PARD3: variants seen among roughly 807,000 people sequenced by gnomAD.
PARD3 encodes the protein partitioning defective 3 homolog.
In PARD3, 75 loss-of-function variants were observed where a neutral mutation model predicts 155.4. That is an observed-to-expected ratio of 0.48 (90% CI 0.40 to 0.58). The LOEUF (loss-of-function observed/expected upper bound fraction) is 0.58, where lower values mean the gene tolerates loss of function less well. Ranked by LOEUF, PARD3 falls within the 20% of genes least tolerant of loss-of-function variation. The pLI, the probability that PARD3 is intolerant of heterozygous loss-of-function variation, is 0.00. For synonymous variants in PARD3, 576 were observed against 610.5 expected (o/e 0.94, Z 0.83); for missense variants, 1,642 against 1,721.7 (o/e 0.95, Z 0.82).
intron 5 of PARD3, among the ~76,000 whole-genome samples, chr10:34,408,352 G>A (rs1844710750): frequency 6.6e-6 from 1 of 152,010 alleles, no homozygotes; most frequent in Non-Finnish European, 1.5e-5. Flanking sequence ...TCAACTAAAT[G>A]TTCTTTTTCA....
At chr10:34,607,153 CA>C (rs1436018024) in intron 2 of PARD3, among the ~76,000 whole-genome samples, 5 of 152,060 alleles carry the variant, frequency 3.3e-5, no homozygotes, top group African/African-American at 1.2e-4. Context: ...CTTCACCTTA[CA>C]GATTTCGAAA....
rs553945158 is a variant in PARD3, at chr10:34,341,088, A to T, written c.2408+539T>A. ...GTATCAAATGCTTTCTTCTATTTTG[A>T]AAGACACAGGAAAGAAAATAGCAGG... On this transcript the variant is annotated intron_variant, in intron 16 of 24. Transcript: ENST00000374788. Among the ~76,000 whole-genome samples, 4 of 152,064 alleles carry T rather than the reference A, an allele frequency of 2.6e-5. No homozygotes were observed. In the East Asian group the frequency reaches 7.7e-4, roughly 29 times the overall value.
intron 1 of PARD3, among the ~76,000 whole-genome samples, chr10:34,727,559 T>C (rs576661004): frequency 1.7e-5 from 1 of 59,752 alleles, no homozygotes; most frequent in Non-Finnish European, 3.3e-5. Context: ...CAATGAGAGA[T>C]TGCTATGTTT....
chr10:34,306,564 G>A lies in PARD3; in HGVS notation c.3065+10543C>T, dbSNP rs529298353. On this transcript the variant is annotated intron_variant, in intron 20 of 24. Coordinates refer to ENST00000374788, the MANE Select transcript of PARD3 (RefSeq NM_001184785.2). ...CTCGGGAGGCTGAGGCAGGAGAATC[G>A]CTTGAACCTGGGAGGCGGAGGTTGC... Among the ~76,000 whole-genome samples the A allele has an allele frequency of 9.9e-5, 15 of 151,968 alleles. No homozygotes were observed. The East Asian group carries it at 2.4e-3, about 24-fold the overall frequency.
chr10:34,196,667 G>A (rs1357850270), intron 22 of PARD3, among the ~76,000 whole-genome samples: 2 of 144,928 alleles, frequency 1.4e-5, no homozygotes, highest in East Asian at 4.2e-4. Context: ...TCTGCCTCCT[G>A]GGTTCATGCC....
intron 4 of PARD3, among the ~76,000 whole-genome samples, chr10:34,463,803 T>C (rs2077831857): frequency 6.6e-6 from 1 of 152,244 alleles, no homozygotes; most frequent in South Asian, 2.1e-4. Flanking sequence ...ACTTCTTCTA[T>C]GTTTAGATAT....
intron 1 of PARD3, among the ~76,000 whole-genome samples, chr10:34,781,179 G>A (rs1840197360): frequency 6.6e-6 from 1 of 152,126 alleles, no homozygotes; most frequent in African/African-American, 2.4e-5. Context: ...ATAAATCAAG[G>A]GACATGGCTG....
chr10:34,382,048 C>T lies in PARD3; in HGVS notation c.1399+492G>A, dbSNP rs145614103. Among the ~76,000 whole-genome samples the T allele has an allele frequency of 1.5e-4, 23 of 151,846 alleles. No individual in the cohort carries two copies. In the East Asian group the frequency reaches 4.5e-3, roughly 29 times the overall value. ...AGTCAATGGCCTGGCTTCTCAGCAA[C>T]CTACTATAAACTCCTGGCAGCCTCA... On this transcript the variant is annotated intron_variant, in intron 9 of 24. Coordinates refer to ENST00000374788, the MANE Select transcript of PARD3 (RefSeq NM_001184785.2).
intron 18 of PARD3, among the ~76,000 whole-genome samples, chr10:34,333,223 A>G (rs1306452047): frequency 6.6e-6 from 1 of 152,138 alleles, no homozygotes; most frequent in African/African-American, 2.4e-5. Context: ...TAAAAACACC[A>G]TTTATATAAA....
At chr10:34,285,248 G>A (rs578110828) in intron 20 of PARD3, among the ~76,000 whole-genome samples, 14 of 152,242 alleles carry the variant, frequency 9.2e-5, no homozygotes, top group Middle Eastern at 3.4e-3. Context: ...TCAATCTGGC[G>A]TACTGTGACA....
At chr10:34,509,897 A>T (rs773979) in intron 3 of PARD3, among the ~76,000 whole-genome samples, 78,047 of 152,144 alleles carry the variant, frequency 0.51, 23,462 homozygotes, top group African/African-American at 0.85. Context: ...TACAGCAGCC[A>T]CAAGGCTGAG....
At chr10:34,729,142 TAAC>T (rs1399238793) in intron 1 of PARD3, among the ~76,000 whole-genome samples, 1 of 152,172 alleles carries the variant, frequency 6.6e-6, no homozygotes, top group Non-Finnish European at 1.5e-5. Flanking sequence ...TGAAACTGCC[TAAC>T]AACTCATTTC....
chr10:34,162,709 C>T (rs141261872), intron 22 of PARD3, among the ~76,000 whole-genome samples: 9 of 152,112 alleles, frequency 5.9e-5, no homozygotes, highest in African/African-American at 1.9e-4. Context: ...CTACATTCAC[C>T]TGAATTCTGA....
chr10:34,148,933 G>T (rs999488047), intron 22 of PARD3, among the ~76,000 whole-genome samples: 1 of 151,908 alleles, frequency 6.6e-6, no homozygotes, highest in Non-Finnish European at 1.5e-5. Flanking sequence ...AAGTATTTAC[G>T]AAGTAAACAA....
intron 22 of PARD3, among the ~76,000 whole-genome samples, chr10:34,151,081 T>C (rs1409970548): frequency 6.6e-6 from 1 of 152,204 alleles, no homozygotes; most frequent in African/African-American, 2.4e-5. Flanking sequence ...TGAATAGTAT[T>C]GTGAAAGAGA....
intron 22 of PARD3, among the ~76,000 whole-genome samples, chr10:34,247,572 A>G (rs1481252389): frequency 6.6e-6 from 1 of 152,212 alleles, no homozygotes. Flanking sequence ...CAGAGGAAAA[A>G]GAATTTTTAA....
chr10:34,240,152 C>A (rs1268381235), intron 22 of PARD3, among the ~76,000 whole-genome samples: 1 of 152,182 alleles, frequency 6.6e-6, no homozygotes, highest in Admixed American at 6.5e-5. Context: ...GGTTAAGCAA[C>A]TTGATCGAGA....
chr10:34,701,833 C>T (rs1448962740), intron 1 of PARD3, among the ~76,000 whole-genome samples: 2 of 152,030 alleles, frequency 1.3e-5, no homozygotes, highest in African/African-American at 2.4e-5. Context: ...CCCAGGGGTT[C>T]GAGGCTACAG....
At chr10:34,301,818 CTT>C (rs5784408) in intron 20 of PARD3, among the ~76,000 whole-genome samples, 7 of 125,824 alleles carry the variant, frequency 5.6e-5, no homozygotes, top group East Asian at 2.4e-4. Flanking sequence ...TTTCTCCTTT[CTT>C]TTTTTTTTTT....
Sources: allele counts gnomAD v4.1 joint callset (sites outside exome capture counted in the v4.1 genomes callset), GRCh38; gene constraint gnomAD v4.1.1; transcripts MANE v1.5; gene names NCBI Gene and HGNC (gene_info 2026-07-23, HGNC 2026-07-21).